The following MYT1L variants were observed in gnomAD, a reference collection of about 807,000 sequenced individuals.
The protein encoded by MYT1L is myelin transcription factor 1 like.
In MYT1L, 12 loss-of-function variants were observed where a neutral mutation model predicts 126.7. The ratio of observed to expected loss-of-function variants is 0.09; its 90% CI spans 0.06 to 0.15. The LOEUF (loss-of-function observed/expected upper bound fraction) is 0.15, where lower values mean the gene tolerates loss of function less well. MYT1L is among the 10% of genes least tolerant of loss of function. MYT1L has a pLI of 1.00. For missense variants in MYT1L, 979 were observed against 1,585.2 expected (o/e 0.62, Z 6.49); for synonymous variants, 541 against 604.2 (o/e 0.90, Z 1.53).
At chr2:2,233,451 G>A (rs908237113) in intron 2 of MYT1L, among the ~76,000 whole-genome samples, 1 of 152,162 alleles carries the variant, frequency 6.6e-6, no homozygotes, top group African/African-American at 2.4e-5. Context: ...TGCGGACCTC[G>A]CCTGTGTCTT....
At chr2:1,965,250 G>C (rs2059255783) in intron 8 of MYT1L, among the ~76,000 whole-genome samples, 1 of 144,858 alleles carries the variant, frequency 6.9e-6, no homozygotes, top group South Asian at 2.3e-4. Context: ...GACTTGCAGG[G>C]ACCAGGCAGG....
chr2:1,993,569 A>G (rs2061603464), intron 5 of MYT1L, among the ~76,000 whole-genome samples: 1 of 152,190 alleles, frequency 6.6e-6, no homozygotes, highest in Admixed American at 6.5e-5. Flanking sequence ...GAATATACCT[A>G]CTATAATTTA....
Position 1,790,618 on chromosome 2 carries a change from C to G in MYT1L, c.*1249G>C, listed in dbSNP as rs2031901842. ...GCTCTATGGTCAACTGGTCTCCACC[C>G]AAGTGTAGAACAGAAACGTCGTGGT... On this transcript the variant is annotated 3_prime_UTR_variant, in exon 25 of 25. Transcript: ENST00000647738. 6.6e-6 allele frequency: 1 copy of G among 152,310 alleles called. No homozygotes were observed. The highest frequency in any genetic ancestry group is 2.1e-4 in the South Asian group (1 of 4,834). 9.4% of individuals were successfully genotyped at this position (152,310 alleles called of 1,614,324 possible). A position where few individuals can be genotyped will look rare whatever the true frequency, so the allele number is the denominator to read the frequency against.
intron 2 of MYT1L, among the ~76,000 whole-genome samples, chr2:2,272,170 A>AC (rs2095277311): frequency 6.6e-6 from 1 of 152,096 alleles, no homozygotes; most frequent in Non-Finnish European, 1.5e-5. Flanking sequence ...GATGACAGGC[A>AC]CCCTTATTGC....
intron 4 of MYT1L, among the ~76,000 whole-genome samples, chr2:2,000,992 G>T (rs986784376): frequency 6.6e-6 from 1 of 152,098 alleles, no homozygotes; most frequent in South Asian, 2.1e-4. Context: ...CAGGTCTAGG[G>T]TCTTCTCTTC....
rs192667590 is a variant in MYT1L at position 2,077,997 on chromosome 2, T to C, written c.-303-23874A>G. On this transcript the variant is annotated intron_variant, in intron 3 of 24. Transcript: ENST00000647738. ...ATCAATAATTATAAAACTGTGCTAA[T>C]AGCTTATAAGGTATAAAGAAGTAAT... 1.3e-4 allele frequency among the ~76,000 whole-genome samples: 20 copies of C among 152,294 alleles called. No individual in the cohort carries two copies. In the East Asian group the frequency reaches 3.9e-3, roughly 29 times the overall value.
chr2:2,186,696 C>T (rs1489874038), intron 2 of MYT1L, among the ~76,000 whole-genome samples: 1 of 152,184 alleles, frequency 6.6e-6, no homozygotes, highest in Non-Finnish European at 1.5e-5. Context: ...AACTCTTGAC[C>T]CAATTTTTGC....
intron 21 of MYT1L, among the ~76,000 whole-genome samples, chr2:1,824,133 T>C (rs73913419): frequency 0.015 from 2,251 of 152,340 alleles, 60 homozygotes; most frequent in African/African-American, 0.051. Context: ...ATTCTTGCTA[T>C]GGAACAAATT....
intron 4 of MYT1L, among the ~76,000 whole-genome samples, chr2:2,016,978 G>A (rs1000110648): frequency 7.9e-5 from 12 of 152,226 alleles, no homozygotes; most frequent in Non-Finnish European, 1.8e-4. Flanking sequence ...TGTAAAGGAG[G>A]AGATATTAAA....
chr2:1,983,765 C>T (rs577814383), intron 5 of MYT1L, among the ~76,000 whole-genome samples: 2 of 152,350 alleles, frequency 1.3e-5, no homozygotes, highest in East Asian at 3.9e-4. Flanking sequence ...GCGAGCTTCA[C>T]TTACTGAACC....
At chr2:1,834,488 T>C (rs1199042635) in intron 21 of MYT1L, among the ~76,000 whole-genome samples, 1 of 152,222 alleles carries the variant, frequency 6.6e-6, no homozygotes, top group African/African-American at 2.4e-5. Context: ...CAACACATGA[T>C]GGAATATTAT....
intron 19 of MYT1L, 100 bp downstream of exon 19, chr2:1,851,540 TG>T: frequency 9.1e-7 from 1 of 1,100,504 alleles, no homozygotes; most frequent in Non-Finnish European, 1.4e-6. Flanking sequence ...ATTTTGCCCA[TG>T]GTGTCAAACT....
At chr2:2,024,949 C>T (rs1369177870) in intron 4 of MYT1L, among the ~76,000 whole-genome samples, 1 of 152,280 alleles carries the variant, frequency 6.6e-6, no homozygotes, top group Non-Finnish European at 1.5e-5. Context: ...CCCACCACAG[C>T]TGCCCGTGCC....
chr2:2,130,765 G>GAA (rs1234481244), intron 3 of MYT1L, among the ~76,000 whole-genome samples: 3 of 152,076 alleles, frequency 2.0e-5, no homozygotes, highest in Non-Finnish European at 2.9e-5. Flanking sequence ...GGATACAAGT[G>GAA]AACATGAACC....
chr2:2,114,680 T>C (rs2147795382), intron 3 of MYT1L, among the ~76,000 whole-genome samples: 1 of 152,320 alleles, frequency 6.6e-6, no homozygotes, highest in East Asian at 1.9e-4. Context: ...CAATAATGAT[T>C]GTCAAACAAA....
intron 4 of MYT1L, among the ~76,000 whole-genome samples, chr2:2,047,532 T>G (rs563718317): frequency 6.6e-5 from 10 of 152,334 alleles, no homozygotes; most frequent in African/African-American, 2.2e-4. Flanking sequence ...TACTAAACAT[T>G]AATATTCTCT....
chr2:1,924,032 A>C (rs2149116888), intron 9 of MYT1L, among the ~76,000 whole-genome samples: 1 of 152,296 alleles, frequency 6.6e-6, no homozygotes, highest in African/African-American at 2.4e-5. Flanking sequence ...GGTTGAGGTA[A>C]GTTGGTACAG....
At chr2:2,106,526 G>A (rs1235876900) in intron 3 of MYT1L, among the ~76,000 whole-genome samples, 3 of 152,196 alleles carry the variant, frequency 2.0e-5, no homozygotes, top group Non-Finnish European at 2.9e-5. Context: ...GCTGAGGCAG[G>A]AGAATTGCTT....
chr2:2,309,610 C>T (rs1462139810), intron 1 of MYT1L, among the ~76,000 whole-genome samples: 3 of 151,740 alleles, frequency 2.0e-5, no homozygotes, highest in Non-Finnish European at 4.4e-5. Flanking sequence ...ACTCTATCAT[C>T]TACACTCCAC....
Sources: gnomAD v4.1 joint callset for allele counts (sites outside exome capture counted in the v4.1 genomes callset) on GRCh38, gnomAD v4.1.1 for gene constraint, MANE v1.5 for transcripts, NCBI Gene and HGNC (gene_info 2026-07-23, HGNC 2026-07-21) for gene names.